AMBRA1: variants seen among roughly 807,000 people sequenced by gnomAD.
The protein encoded by AMBRA1 is autophagy and beclin 1 regulator 1.
Under a neutral mutation model 125.4 loss-of-function variants are expected in AMBRA1, and 47 were observed. The ratio of observed to expected loss-of-function variants is 0.37; its 90% CI spans 0.30 to 0.48. AMBRA1 has a LOEUF of 0.48. Ranked by LOEUF, AMBRA1 falls within the 20% of genes least tolerant of loss-of-function variation. The pLI is 0.99. For synonymous variants in AMBRA1, 626 were observed against 655.5 expected, an observed-to-expected ratio of 0.95 and a Z score of 0.69; for missense variants, 1,331 against 1,693.4, an observed-to-expected ratio of 0.79 and a Z score of 3.76.
chr11:46,590,912 C>CAAA (rs554383816), intron 1 of AMBRA1, among the ~76,000 whole-genome samples: 2 of 76,728 alleles, frequency 2.6e-5, no homozygotes, highest in South Asian at 4.1e-4. Context: ...GACTCCATCT[C>CAAA]AAAAAAAAAA....
At chr11:46,493,440 C>A (rs946406231) in intron 11 of AMBRA1, among the ~76,000 whole-genome samples, 168 bp downstream of exon 11, 5 of 152,154 alleles carry the variant, frequency 3.3e-5, no homozygotes, top group Non-Finnish European at 7.4e-5. Flanking sequence ...TTCAACCCTG[C>A]CATTTCCTGC....
chr11:46,583,590 A>G (rs373766435), intron 1 of AMBRA1, among the ~76,000 whole-genome samples: 1 of 131,772 alleles, frequency 7.6e-6, no homozygotes, highest in Non-Finnish European at 1.6e-5. Context: ...GAAAATTTTC[A>G]CAACCTACTC....
chr11:46,570,413 G>C (rs1191362366), intron 1 of AMBRA1, among the ~76,000 whole-genome samples: 1 of 152,070 alleles, frequency 6.6e-6, no homozygotes, highest in Non-Finnish European at 1.5e-5. Context: ...GACAAGTGGA[G>C]ATAATTCTCC....
chr11:46,520,046 G>A (rs1951688775), intron 7 of AMBRA1, among the ~76,000 whole-genome samples: 1 of 151,720 alleles, frequency 6.6e-6, no homozygotes, highest in South Asian at 2.1e-4. Context: ...GGCTGAGGCA[G>A]GAGAATCGCT....
At chr11:46,424,811 C>T (rs1947035436) in intron 14 of AMBRA1, among the ~76,000 whole-genome samples, 1 of 151,738 alleles carries the variant, frequency 6.6e-6, no homozygotes, top group Admixed American at 6.6e-5. Flanking sequence ...CTGTACTCCA[C>T]CGTGGGTGAG....
chr11:46,575,120 G>A (rs78807356), intron 1 of AMBRA1, among the ~76,000 whole-genome samples: 1 of 152,082 alleles, frequency 6.6e-6, no homozygotes, highest in Non-Finnish European at 1.5e-5. Context: ...AGTACCAGTG[G>A]TATCAGTAAC....
intron 1 of AMBRA1, among the ~76,000 whole-genome samples, chr11:46,586,248 G>C (rs1056623548): frequency 6.6e-6 from 1 of 151,952 alleles, no homozygotes; most frequent in African/African-American, 2.4e-5. Flanking sequence ...TCTACTAAAA[G>C]AAATACAAAA....
intron 15 of AMBRA1, among the ~76,000 whole-genome samples, chr11:46,411,915 C>G (rs1946313571): frequency 6.6e-6 from 1 of 152,132 alleles, no homozygotes; most frequent in African/African-American, 2.4e-5. Context: ...CGTGAGCCAC[C>G]ATGCCCGGCC....
Position 46,548,363 on chromosome 11 carries a change from T to C in AMBRA1, c.18A>G (p.Glu6=). MKVVP[E]KNAVRILWGR... ...CCCAGAGTATCCGGACAGCATTCTT[T>C]TCTGGGACAACCTTCATGGCGCTCA... The change falls in exon 2 of 18, where the codon GAA becomes GAG. Residue 6 remains glutamate, a synonymous_variant. Coordinates refer to ENST00000683756, the MANE Select transcript of AMBRA1 (RefSeq NM_001387011.1). 1 of 1,614,004 alleles carries C rather than the reference T, an allele frequency of 6.2e-7. No homozygotes were observed. Among genetic ancestry groups the C allele is most frequent in the East Asian group, 2.2e-5 (1 of 44,872 alleles).
chr11:46,417,843 T>C, intron 15 of AMBRA1, 70 bp downstream of exon 15: 1 of 1,462,764 alleles, frequency 6.8e-7, no homozygotes. Context: ...AAGACCCCAG[T>C]TGGTGAATAC....
At chr11:46,558,462 T>A (rs949272648) in intron 1 of AMBRA1, among the ~76,000 whole-genome samples, 1 of 143,322 alleles carries the variant, frequency 7.0e-6, no homozygotes, top group African/African-American at 2.7e-5. Flanking sequence ...GGTAGGAGAA[T>A]CGCTTGAACC....
intron 11 of AMBRA1, among the ~76,000 whole-genome samples, chr11:46,450,008 G>A (rs1181110144): frequency 1.3e-5 from 2 of 149,052 alleles, no homozygotes; most frequent in Non-Finnish European, 1.5e-5. Flanking sequence ...GCAGTGAGTC[G>A]AGATCACGCC....
chr11:46,590,159 T>C (rs936471174), intron 1 of AMBRA1, among the ~76,000 whole-genome samples: 1 of 151,360 alleles, frequency 6.6e-6, no homozygotes, highest in Non-Finnish European at 1.5e-5. Context: ...GATCACAAGG[T>C]CAGGAGATAG....
At chr11:46,481,785 C>G (rs1015810843) in intron 11 of AMBRA1, among the ~76,000 whole-genome samples, 9 of 152,230 alleles carry the variant, frequency 5.9e-5, no homozygotes, top group Non-Finnish European at 1.0e-4. Context: ...TGAGGTCCAA[C>G]TCCCACTCTG....
At chr11:46,464,935 C>G (rs1949258470) in intron 11 of AMBRA1, among the ~76,000 whole-genome samples, 1 of 152,142 alleles carries the variant, frequency 6.6e-6, no homozygotes, top group African/African-American at 2.4e-5. Context: ...ATCCCAGCTA[C>G]TCAGGAGTCT....
At chr11:46,464,408 A>G (rs1230327426) in intron 11 of AMBRA1, among the ~76,000 whole-genome samples, 1 of 152,136 alleles carries the variant, frequency 6.6e-6, no homozygotes, top group East Asian at 1.9e-4. Context: ...ATAATTCACT[A>G]TGCACCTTCC....
At chr11:46,583,677 A>AAAAAAAAAAAC (rs1565324615) in intron 1 of AMBRA1, among the ~76,000 whole-genome samples, 46 of 143,890 alleles carry the variant, frequency 3.2e-4, no homozygotes, top group African/African-American at 1.1e-3. Context: ...AAAAAAAAAA[A>AAAAAAAAAAAC]AACAACAAAA....
chr11:46,526,319 C>A (rs1951969311), intron 7 of AMBRA1, among the ~76,000 whole-genome samples: 1 of 151,960 alleles, frequency 6.6e-6, no homozygotes, highest in Non-Finnish European at 1.5e-5. Flanking sequence ...GGTATTCTCA[C>A]CCTTGTGTGG....
At chr11:46,579,045 TAAAAAAA>T (rs11393945) in intron 1 of AMBRA1, among the ~76,000 whole-genome samples, 1 of 68,040 alleles carries the variant, frequency 1.5e-5, no homozygotes, top group African/African-American at 5.4e-5. Flanking sequence ...AAGAAAGCAA[TAAAAAAA>T]AAAAAAAAAA....
Sources: allele counts gnomAD v4.1 joint callset (sites outside exome capture counted in the v4.1 genomes callset), GRCh38; gene constraint gnomAD v4.1.1; transcripts MANE v1.5; gene names NCBI Gene and HGNC (gene_info 2026-07-23, HGNC 2026-07-21).